CELF4: variants seen among roughly 807,000 people sequenced by gnomAD.
CELF4 encodes CUG-BP- and ETR-3-like factor 4.
CELF4 carries 18 observed loss-of-function variants against 59.9 expected under a neutral mutation model. The observed-to-expected ratio is 0.30, with a 90% CI of 0.21 to 0.45. CELF4 has a LOEUF of 0.45. Ranked by LOEUF, CELF4 falls within the 20% of genes least tolerant of loss-of-function variation. CELF4 has a pLI of 1.00. For missense variants in CELF4, 456 were observed against 689.0 expected (o/e 0.66, Z 3.79); for synonymous variants, 261 against 267.1 (o/e 0.98, Z 0.22).
At chr18:37,402,440 G>A (rs1317412777) in intron 2 of CELF4, among the ~76,000 whole-genome samples, 2 of 152,066 alleles carry the variant, frequency 1.3e-5, no homozygotes. Context: ...GGACCCCAGG[G>A]AGCTGCCCCT....
intron 3 of CELF4, among the ~76,000 whole-genome samples, chr18:37,284,161 A>G (rs1317832266): frequency 6.6e-6 from 1 of 150,608 alleles, no homozygotes; most frequent in Admixed American, 6.6e-5. Flanking sequence ...AGATACACAC[A>G]CCCATACACT....
Position 37,379,734 on chromosome 18 carries a change from C to A in CELF4, c.370-57853G>T, listed in dbSNP as rs985559431. Among the ~76,000 whole-genome samples the A allele has an allele frequency of 2.0e-5, 3 of 152,156 alleles. No homozygotes were observed. In the South Asian group the frequency reaches 6.2e-4, roughly 32 times the overall value. On this transcript the variant is annotated intron_variant, in intron 2 of 12. Transcript: ENST00000420428. ...AAGGTCAGACTCAGGGCAGGACTTA[C>A]TGCTTGTGCTGAAACATGAGCAGAG...
At chr18:37,363,278 C>A (rs1475844317) in intron 2 of CELF4, among the ~76,000 whole-genome samples, 4 of 152,120 alleles carry the variant, frequency 2.6e-5, no homozygotes, top group Non-Finnish European at 5.9e-5. Context: ...AGAGAACTTC[C>A]CATCAAGGCA....
intron 2 of CELF4, among the ~76,000 whole-genome samples, chr18:37,452,112 G>C (rs1254874103): frequency 6.6e-6 from 1 of 152,228 alleles, no homozygotes; most frequent in African/African-American, 2.4e-5. Flanking sequence ...TTTCCAGAAT[G>C]GAGCATCTCT....
At chr18:37,456,049 C>T (rs1472673515) in intron 2 of CELF4, among the ~76,000 whole-genome samples, 2 of 152,196 alleles carry the variant, frequency 1.3e-5, no homozygotes, top group Non-Finnish European at 2.9e-5. Context: ...CCTCCTGAGG[C>T]CTCTGGAGTG....
At chr18:37,330,290 C>T (rs1200327476) in intron 2 of CELF4, among the ~76,000 whole-genome samples, 1 of 152,112 alleles carries the variant, frequency 6.6e-6, no homozygotes, top group Non-Finnish European at 1.5e-5. Context: ...TGTTGAATTC[C>T]AGGGGCTGTG....
At chr18:37,322,104 G>A (rs997081044) in intron 2 of CELF4, among the ~76,000 whole-genome samples, 6 of 152,246 alleles carry the variant, frequency 3.9e-5, no homozygotes, top group Non-Finnish European at 7.3e-5. Context: ...GGTGTCTCTG[G>A]ACAGGAGACT....
intron 3 of CELF4, among the ~76,000 whole-genome samples, chr18:37,285,870 C>T (rs914441046): frequency 4.6e-5 from 7 of 152,174 alleles, no homozygotes; most frequent in Non-Finnish European, 7.3e-5. Context: ...GCACGGCACA[C>T]GATAGACGGC....
intron 1 of CELF4, among the ~76,000 whole-genome samples, chr18:37,490,546 G>A (rs2099898685): frequency 1.3e-5 from 2 of 152,204 alleles, no homozygotes; most frequent in Admixed American, 1.3e-4. Context: ...TATCCTTGGT[G>A]GGGTGGCTGT....
At chr18:37,342,699 T>G (rs1044730429) in intron 2 of CELF4, among the ~76,000 whole-genome samples, 4 of 152,234 alleles carry the variant, frequency 2.6e-5, no homozygotes, top group African/African-American at 9.6e-5. Context: ...TTAACCTCCC[T>G]GAACCTCCAT....
chr18:37,532,022 T>C (rs950486376), intron 1 of CELF4, among the ~76,000 whole-genome samples: 1 of 152,214 alleles, frequency 6.6e-6, no homozygotes, highest in East Asian at 1.9e-4. Context: ...TTACTTGGCC[T>C]TGGGTCCAGA....
At chr18:37,415,047 A>T (rs986279902) in intron 2 of CELF4, among the ~76,000 whole-genome samples, 1 of 152,244 alleles carries the variant, frequency 6.6e-6, no homozygotes, top group African/African-American at 2.4e-5. Context: ...AAAGCAGTGT[A>T]AGAGGTATGT....
At chr18:37,560,255 T>C (rs2099986142) in intron 1 of CELF4, among the ~76,000 whole-genome samples, 1 of 152,250 alleles carries the variant, frequency 6.6e-6, no homozygotes, top group Non-Finnish European at 1.5e-5. Context: ...TATACGTGCA[T>C]ATGTGCATGT....
At chr18:37,324,461 C>G (rs1263473095) in intron 2 of CELF4, among the ~76,000 whole-genome samples, 1 of 152,194 alleles carries the variant, frequency 6.6e-6, no homozygotes, top group Non-Finnish European at 1.5e-5. Flanking sequence ...GAAGAGAGCC[C>G]TCACCAGAAA....
chr18:37,538,970 C>A (rs1413354716), intron 1 of CELF4, among the ~76,000 whole-genome samples: 3 of 152,176 alleles, frequency 2.0e-5, no homozygotes, highest in Non-Finnish European at 4.4e-5. Context: ...CCGGTGGGGA[C>A]CCCTGCTGCT....
chr18:37,408,625 G>A (rs1404211464), intron 2 of CELF4, among the ~76,000 whole-genome samples: 1 of 152,044 alleles, frequency 6.6e-6, no homozygotes, highest in Non-Finnish European at 1.5e-5. Context: ...GGCAGAGTTG[G>A]GAAGACCCAG....
chr18:37,530,386 A>G (rs569189723), intron 1 of CELF4, among the ~76,000 whole-genome samples: 9 of 152,224 alleles, frequency 5.9e-5, no homozygotes, highest in African/African-American at 2.2e-4. Context: ...GGACCATGCC[A>G]TCACCCCGTG....
At chr18:37,468,803 C>T (rs948600227) in intron 2 of CELF4, among the ~76,000 whole-genome samples, 2 of 151,984 alleles carry the variant, frequency 1.3e-5, no homozygotes, top group African/African-American at 4.8e-5. Context: ...AGGAAGAGCC[C>T]CTTGTAAAAC....
chr18:37,312,840 C>T (rs905507124), intron 3 of CELF4, among the ~76,000 whole-genome samples: 2 of 152,242 alleles, frequency 1.3e-5, no homozygotes, highest in Non-Finnish European at 2.9e-5. Flanking sequence ...TCCTGTGATG[C>T]CTCCCCAGGA....
Sources: allele counts gnomAD v4.1 joint callset (sites outside exome capture counted in the v4.1 genomes callset), GRCh38; gene constraint gnomAD v4.1.1; transcripts MANE v1.5; gene names NCBI Gene and HGNC (gene_info 2026-07-23, HGNC 2026-07-21).